The following C2CD3 variants were observed in gnomAD, a reference collection of about 807,000 sequenced individuals.
C2CD3 encodes C2 domain-containing protein 3.
In C2CD3, 148 loss-of-function variants were observed where a neutral mutation model predicts 234.0. The observed-to-expected ratio is 0.63, with a 90% confidence interval of 0.55 to 0.72. The LOEUF is 0.72. C2CD3 is among the 30% of genes least tolerant of loss of function. The probability of loss-of-function intolerance (pLI) is 0.00; values close to 1 mark genes in which losing one functional copy is unlikely to be tolerated. For synonymous variants in C2CD3, 1,000 were observed against 1,035.4 expected (o/e 0.97, Z 0.66); for missense variants, 2,577 against 2,811.5 (o/e 0.92, Z 1.89).
At chr11:74,136,367 T>C (rs914571979) in intron 5 of C2CD3, among the ~76,000 whole-genome samples, 1 of 152,236 alleles carries the variant, frequency 6.6e-6, no homozygotes, top group African/African-American at 2.4e-5. Context: ...GGGTTGTGCA[T>C]GGCATATTTT....
intron 26 of C2CD3, 127 bp from the exon 27 acceptor site, chr11:74,049,669 G>T: frequency 1.4e-6 from 1 of 693,566 alleles, no homozygotes; most frequent in Non-Finnish European, 2.4e-6. Flanking sequence ...CATCAGAGAA[G>T]ACAGATAATG....
intron 3 of C2CD3, among the ~76,000 whole-genome samples, chr11:74,145,009 A>G: frequency 1.3e-5 from 2 of 152,304 alleles, no homozygotes; most frequent in East Asian, 3.9e-4. Flanking sequence ...TTTTAAATTT[A>G]ATTTTTAGGT....
chr11:74,116,930 G>GTATACACACATATACACGTA (rs1956973685), intron 9 of C2CD3, among the ~76,000 whole-genome samples: 4 of 106,112 alleles, frequency 3.8e-5, no homozygotes, highest in Admixed American at 3.5e-4. Flanking sequence ...ATATACACGT[G>GTATACACACATATACACGTA]TATATACACA....
chr11:74,101,049 T>G (rs975538955), intron 14 of C2CD3, among the ~76,000 whole-genome samples: 3 of 152,206 alleles, frequency 2.0e-5, no homozygotes, highest in South Asian at 2.1e-4. Flanking sequence ...TTGAAACAAG[T>G]ATGCTACTGA....
At chr11:74,119,834 C>G (rs575379575) in intron 8 of C2CD3, among the ~76,000 whole-genome samples, 11 of 152,122 alleles carry the variant, frequency 7.2e-5, no homozygotes, top group African/African-American at 2.4e-4. Flanking sequence ...CAGGGTTTCA[C>G]CATGTTGTCC....
At chr11:74,126,045 T>C (rs527814443) in intron 7 of C2CD3, among the ~76,000 whole-genome samples, 11 of 152,322 alleles carry the variant, frequency 7.2e-5, no homozygotes, top group Non-Finnish European at 1.5e-4. Context: ...AGAAGACATT[T>C]TCCTGTGGTT....
intron 24 of C2CD3, among the ~76,000 whole-genome samples, chr11:74,058,152 A>AG (rs1954046237): frequency 1.3e-5 from 2 of 152,214 alleles, no homozygotes. Flanking sequence ...TGAACCTAAG[A>AG]GTCAGATGAC....
chr11:74,120,360 G>A (rs1957170630), intron 8 of C2CD3, among the ~76,000 whole-genome samples: 1 of 152,104 alleles, frequency 6.6e-6, no homozygotes, highest in Non-Finnish European at 1.5e-5. Flanking sequence ...TCCCACCTAT[G>A]AGTGAGAACA....
In C2CD3 at chr11:74,013,619, T is replaced by C. The variant is rs185120751; in HGVS notation, c.6922-94A>G. ...TCTCATCTTTTGGTCCTTTGGTTAA[T>C]ATTTATGTAGAGCTGCCTGGTTTAC... is the stretch of plus-strand genomic sequence containing the variant. On this transcript the variant is annotated intron_variant, in intron 32 of 32. Coordinates refer to ENST00000334126, the MANE Select transcript of C2CD3 (RefSeq NM_001286577.2). 49 of 786,822 alleles carry C rather than the reference T, an allele frequency of 6.2e-5. No individual in the cohort carries two copies. In the Admixed American group the frequency reaches 6.4e-4, roughly 10 times the overall value. The allele number at this position is 786,822 out of a possible 1,614,324, so 48.7% of individuals were successfully genotyped here. A position where few individuals can be genotyped will look rare whatever the true frequency, so the allele number is the denominator to read the frequency against.
chr11:74,054,507 GAAAAAAAAAAA>G (rs869085401), intron 26 of C2CD3, 89 bp downstream of exon 26: 10 of 275,610 alleles, frequency 3.6e-5, no homozygotes, highest in African/African-American at 1.0e-4. Flanking sequence ...ACTTGGTTTG[GAAAAAAAAAAA>G]AAAAAAAAAA....
At chr11:74,116,126 G>A (rs957152818) in intron 9 of C2CD3, among the ~76,000 whole-genome samples, 1 of 152,030 alleles carries the variant, frequency 6.6e-6, no homozygotes, top group African/African-American at 2.4e-5. Context: ...AAATAGATGG[G>A]ACTTAATTAA....
rs572903720 is a variant in C2CD3, at chr11:74,133,489, T to G, written c.1024A>C (p.Thr342Pro). Residue 342 changes from threonine (T) to proline (P), a missense_variant, in exon 6 of 33, where the codon ACC becomes CCC. Coordinates refer to ENST00000334126, the MANE Select transcript of C2CD3 (RefSeq NM_001286577.2). ...VISAMKSSPE[T>P]SMLLDQVHPP... ...TGAACTTGGTCCAACAACATGCTGG[T>G]CTCTGGGCTTGATTTCATTGCAGAA... 1.1e-5 allele frequency: 18 copies of G among 1,613,886 alleles called. No homozygotes were observed. The highest frequency in any genetic ancestry group is 1.5e-5 in the Non-Finnish European group (18 of 1,179,752).
chr11:74,077,730 A>G (rs904263053), intron 23 of C2CD3, among the ~76,000 whole-genome samples: 6 of 136,598 alleles, frequency 4.4e-5, no homozygotes, highest in Non-Finnish European at 7.9e-5. Flanking sequence ...ATACCTATGT[A>G]ATAAAACTGC....
intron 24 of C2CD3, among the ~76,000 whole-genome samples, chr11:74,059,636 T>C (rs1259638575): frequency 6.6e-6 from 1 of 152,082 alleles, no homozygotes; most frequent in Non-Finnish European, 1.5e-5. Flanking sequence ...CACATGCAGT[T>C]TAACATTTAA....
At chr11:74,077,823 ATATATATATATATATATATATATT>A (rs1259213661) in intron 23 of C2CD3, among the ~76,000 whole-genome samples, 306 of 21,356 alleles carry the variant, frequency 0.014, 63 homozygotes, top group African/African-American at 0.032. Context: ...ATATATATAT[ATATATATATATATATATATATATT>A]ATCTCTTTAG....
At position 74,098,000 on chromosome 11, in the gene C2CD3, G is replaced by A. The variant is rs200027871; in HGVS notation, c.2979+9C>T. ...ATAATGACTTTTTGTAAACCATAGC[G>A]TTTATTACCATAGCAACAGATGCTG... On this transcript the variant is annotated intron_variant, in intron 16 of 32. Transcript: ENST00000334126. 7.4e-5 allele frequency: 120 copies of A among 1,612,868 alleles called. No homozygotes were observed. In the Middle Eastern group the frequency reaches 1.5e-3, roughly 20 times the overall value.
At chr11:74,164,086 T>C (rs1856649809) in intron 2 of C2CD3, 10 of 610,976 alleles carry the variant, frequency 1.6e-5, no homozygotes, top group Non-Finnish European at 1.8e-5. Flanking sequence ...CTACACTTAA[T>C]TATAAGTCCA....
chr11:74,065,063 G>A (rs942338358), intron 24 of C2CD3, among the ~76,000 whole-genome samples: 1 of 152,186 alleles, frequency 6.6e-6, no homozygotes, highest in African/African-American at 2.4e-5. Context: ...ATTGACAAAT[G>A]GGATCTAATT....
At chr11:74,083,105 A>AC (rs971779005) in intron 22 of C2CD3, among the ~76,000 whole-genome samples, 9 of 148,424 alleles carry the variant, frequency 6.1e-5, no homozygotes, top group African/African-American at 2.4e-4. Flanking sequence ...ATATTGACCA[A>AC]TAGACAGAAC....
Sources: gnomAD v4.1 joint callset for allele counts (sites outside exome capture counted in the v4.1 genomes callset) on GRCh38, gnomAD v4.1.1 for gene constraint, MANE v1.5 for transcripts, NCBI Gene and HGNC (gene_info 2026-07-23, HGNC 2026-07-21) for gene names.